The following SH3GL2 variants were observed in gnomAD, a reference collection of about 807,000 sequenced individuals.
SH3GL2 encodes SH3 domain containing GRB2 like 2, endophilin A1, also known as endophilin-A1.
Under a neutral mutation model 46.0 loss-of-function variants are expected in SH3GL2, and 24 were observed. The ratio of observed to expected loss-of-function variants is 0.52; its 90% CI spans 0.38 to 0.73. The LOEUF is 0.73. SH3GL2 is among the 30% of genes least tolerant of loss of function. SH3GL2 has a pLI of 0.00. For missense variants in SH3GL2, 413 were observed against 424.2 expected (o/e 0.97, Z 0.23); for synonymous variants, 196 against 147.1 (o/e 1.33, Z -2.40).
At chr9:17,615,007 G>C (rs1048122780) in intron 1 of SH3GL2, among the ~76,000 whole-genome samples, 2 of 152,192 alleles carry the variant, frequency 1.3e-5, no homozygotes, top group African/African-American at 2.4e-5. Context: ...ATGACACCCT[G>C]ACTAGAGTGA....
chr9:17,786,624 T>C, intron 4 of SH3GL2, 100 bp downstream of exon 4: 1 of 1,363,374 alleles, frequency 7.3e-7, no homozygotes, highest in Non-Finnish European at 1.0e-6. Flanking sequence ...CATTTTATAT[T>C]TTGGTTTTCA....
rs1256125556 is a variant in SH3GL2, at chr9:17,761,360, T to G, written c.115-77T>G. On this transcript the variant is annotated intron_variant, in intron 2 of 8. Coordinates refer to ENST00000380607, the MANE Select transcript of SH3GL2 (RefSeq NM_003026.5). ...GGCTCTGTTGCATACCCCGCCATTG[T>G]ATACAGACTCAACCAAAAACCGGTA... is the stretch of plus-strand genomic sequence containing the variant. 3 of 897,744 alleles carry G rather than the reference T, an allele frequency of 3.3e-6. No individual in the cohort carries two copies. In the African/African-American group the frequency reaches 4.9e-5, roughly 15 times the overall value. The allele number at this position is 897,744 out of a possible 1,614,324, so 55.6% of individuals were successfully genotyped here.
chr9:17,748,970 T>C (rs1271073809), intron 2 of SH3GL2, among the ~76,000 whole-genome samples: 1 of 152,160 alleles, frequency 6.6e-6, no homozygotes, highest in African/African-American at 2.4e-5. Flanking sequence ...TCCTGTGAAA[T>C]CAGACTGCAT....
chr9:17,731,720 A>G (rs892804162), intron 1 of SH3GL2, among the ~76,000 whole-genome samples: 2 of 152,134 alleles, frequency 1.3e-5, no homozygotes, highest in African/African-American at 4.8e-5. Flanking sequence ...CGCTGTTAGG[A>G]TGGAAGCCTT....
intron 1 of SH3GL2, among the ~76,000 whole-genome samples, chr9:17,603,938 A>G (rs1207555880): frequency 6.6e-6 from 1 of 152,224 alleles, no homozygotes; most frequent in Non-Finnish European, 1.5e-5. Context: ...ACAAGTTAAG[A>G]TGGTAAATTT....
intron 1 of SH3GL2, among the ~76,000 whole-genome samples, chr9:17,653,578 C>G (rs55990734): frequency 6.6e-6 from 1 of 152,196 alleles, no homozygotes; most frequent in Non-Finnish European, 1.5e-5. Context: ...GGAGTTATTA[C>G]CTGCTTCTGT....
intron 1 of SH3GL2, among the ~76,000 whole-genome samples, chr9:17,709,748 G>A (rs1563821965): frequency 6.7e-6 from 1 of 149,884 alleles, no homozygotes; most frequent in Non-Finnish European, 1.5e-5. Context: ...CTGTTACTTT[G>A]CTTATTTTAG....
At chr9:17,679,401 A>G (rs1389949350) in intron 1 of SH3GL2, among the ~76,000 whole-genome samples, 1 of 152,152 alleles carries the variant, frequency 6.6e-6, no homozygotes, top group African/African-American at 2.4e-5. Flanking sequence ...GCAACTTTGA[A>G]TGGGAGTTCA....
At chr9:17,645,035 AGTTAGCTCTTC>A (rs1452136131) in intron 1 of SH3GL2, among the ~76,000 whole-genome samples, 1 of 151,660 alleles carries the variant, frequency 6.6e-6, no homozygotes, top group Non-Finnish European at 1.5e-5. Flanking sequence ...TATTTAGGAT[AGTTAGCTCTTC>A]TCATTGCATT....
chr9:17,777,529 A>G (rs573321415), intron 3 of SH3GL2, among the ~76,000 whole-genome samples: 20 of 152,322 alleles, frequency 1.3e-4, no homozygotes, highest in African/African-American at 4.3e-4. Flanking sequence ...ACAAAATATC[A>G]TAAATAATAG....
intron 1 of SH3GL2, among the ~76,000 whole-genome samples, chr9:17,613,616 G>A (rs570488135): frequency 2.6e-5 from 4 of 152,260 alleles, no homozygotes; most frequent in African/African-American, 9.6e-5. Flanking sequence ...TTTTCCTCTA[G>A]TTACGTGAAG....
chr9:17,696,196 T>G (rs1821198186), intron 1 of SH3GL2, among the ~76,000 whole-genome samples: 1 of 152,196 alleles, frequency 6.6e-6, no homozygotes, highest in Non-Finnish European at 1.5e-5. Context: ...TTTTTTCCTT[T>G]TTTAAAGAGA....
intron 1 of SH3GL2, among the ~76,000 whole-genome samples, chr9:17,684,908 A>T (rs117858596): frequency 2.6e-5 from 4 of 152,156 alleles, no homozygotes; most frequent in African/African-American, 7.2e-5. Flanking sequence ...TTAAAAATCA[A>T]TGGAAATGAA....
At position 17,593,901 on chromosome 9, in the gene SH3GL2, C is replaced by T. The variant is rs575272171; in HGVS notation, c.45+14614C>T. 3.3e-5 allele frequency among the ~76,000 whole-genome samples: 5 copies of T among 152,250 alleles called. No individual in the cohort carries two copies. In the South Asian group the frequency reaches 1.0e-3, roughly 32 times the overall value. ...CCCATTCTGAGCACTTGTGAGACCC[C>T]AGACCAGTCACTAGTCACTTGATCT... is the stretch of plus-strand genomic sequence containing the variant. On this transcript the variant is annotated intron_variant, in intron 1 of 8. Coordinates refer to ENST00000380607, the MANE Select transcript of SH3GL2 (RefSeq NM_003026.5).
intron 1 of SH3GL2, among the ~76,000 whole-genome samples, chr9:17,645,919 G>T (rs1819804710): frequency 6.6e-6 from 1 of 152,086 alleles, no homozygotes; most frequent in Admixed American, 6.6e-5. Flanking sequence ...ATGTTGGCCT[G>T]TCTTGCTAGG....
intron 1 of SH3GL2, among the ~76,000 whole-genome samples, chr9:17,698,529 G>T (rs1821264601): frequency 6.6e-6 from 1 of 152,090 alleles, no homozygotes; most frequent in Admixed American, 6.6e-5. Context: ...TGAATTCTAG[G>T]TTTTAGATAA....
rs552375408 is a variant in SH3GL2, at chr9:17,715,090, G to T, written c.46-31976G>T. Among the ~76,000 whole-genome samples, 3 of 151,376 alleles carry T rather than the reference G, an allele frequency of 2.0e-5. No homozygotes were observed. In the South Asian group the frequency reaches 6.3e-4, roughly 32 times the overall value. On this transcript the variant is annotated intron_variant, in intron 1 of 8. Transcript: ENST00000380607. Reference sequence around the variant, plus strand: ...TTGTATTGCATATGCAGTATTCATAGCTCTCATCCTTTGTATATAATATGT... The same window carrying T: ...TTGTATTGCATATGCAGTATTCATATCTCTCATCCTTTGTATATAATATGT...
At chr9:17,581,976 G>A (rs1373902726) in intron 1 of SH3GL2, among the ~76,000 whole-genome samples, 2 of 152,104 alleles carry the variant, frequency 1.3e-5, no homozygotes, top group Non-Finnish European at 2.9e-5. Context: ...CCCCGCACCT[G>A]GCCTATAGCC....
chr9:17,654,371 G>C (rs993025933), intron 1 of SH3GL2, among the ~76,000 whole-genome samples: 6 of 152,090 alleles, frequency 3.9e-5, no homozygotes, highest in African/African-American at 1.4e-4. Flanking sequence ...GGGGATTGTC[G>C]TATTGTTTTG....
Sources: allele counts gnomAD v4.1 joint callset (sites outside exome capture counted in the v4.1 genomes callset), GRCh38; gene constraint gnomAD v4.1.1; transcripts MANE v1.5; gene names NCBI Gene and HGNC (gene_info 2026-07-23, HGNC 2026-07-21).